SATL1: variants seen among roughly 807,000 people sequenced by gnomAD.
SATL1 encodes spermidine/spermine N1-acetyl transferase like 1, also known as spermidine/spermine N(1)-acetyltransferase-like protein 1.
Under a neutral mutation model 51.8 loss-of-function variants are expected in SATL1, and 47 were observed. The observed-to-expected ratio is 0.91, with a 90% confidence interval of 0.72 to 1.16. The LOEUF (loss-of-function observed/expected upper bound fraction) is 1.16, where lower values mean the gene tolerates loss of function less well. Ranked by LOEUF, SATL1 falls within the 50% of genes most tolerant of loss-of-function variation. The pLI is 0.00. For synonymous variants in SATL1, 176 were observed against 182.4 expected (o/e 0.97, Z 0.28); for missense variants, 520 against 526.4 (o/e 0.99, Z 0.12).
chrX:85,098,758 G>A, intron 4 of SATL1, among the ~76,000 whole-genome samples: 1 of 111,334 alleles, frequency 9.0e-6, no homozygotes, highest in East Asian at 2.8e-4. Context: ...TTAGAGATAT[G>A]AACGAAAATG....
intron 2 of SATL1, among the ~76,000 whole-genome samples, chrX:85,194,239 G>A (rs1224540927): frequency 8.9e-6 from 1 of 111,935 alleles, no homozygotes; most frequent in East Asian, 2.8e-4. Flanking sequence ...ACAGTGGCAG[G>A]TGGTAGGCAG....
intron 2 of SATL1, among the ~76,000 whole-genome samples, chrX:85,200,873 AATGTTAC>A (rs1927672772): frequency 9.0e-6 from 1 of 110,713 alleles, no homozygotes; most frequent in African/African-American, 3.3e-5. Context: ...TTATTGAAAA[AATGTTAC>A]ATAAAATCAG....
rs112264264 is a variant in SATL1 at position 85,115,754 on chromosome X, C to T, written c.-312-6474G>A. On this transcript the variant is annotated intron_variant, in intron 2 of 7. Coordinates refer to ENST00000644105, the MANE Select transcript of SATL1 (RefSeq NM_001367857.2). ...GCAGCGTGGGTTCTTTGGAAAGAGC[C>T]GATTTTAGTTGAACAAGCTGAAGAA... is the stretch of plus-strand genomic sequence containing the variant. Among the ~76,000 whole-genome samples, 5 of 111,618 alleles carry T rather than the reference C, an allele frequency of 4.5e-5. No individual in the cohort carries two copies. The East Asian group carries it at 8.5e-4, about 19-fold the overall frequency.
At chrX:85,197,779 A>G (rs1927604306) in intron 2 of SATL1, among the ~76,000 whole-genome samples, 1 of 109,142 alleles carries the variant, frequency 9.2e-6, no homozygotes. Flanking sequence ...TAGTTTACTG[A>G]GAATGATGAT....
intron 2 of SATL1, among the ~76,000 whole-genome samples, chrX:85,170,299 AAGTAACAAAAATATTT>A (rs1160748759): frequency 2.7e-5 from 3 of 111,712 alleles, no homozygotes; most frequent in African/African-American, 9.7e-5. Context: ...ACTATAAGAA[AAGTAACAAAAATATTT>A]AGTTGTCCAG....
intron 2 of SATL1, among the ~76,000 whole-genome samples, chrX:85,198,034 G>A (rs1314719982): frequency 9.0e-6 from 1 of 110,909 alleles, no homozygotes; most frequent in East Asian, 2.8e-4. Context: ...ATTACCATGA[G>A]TTCAAGTGTT....
chrX:85,152,410 G>A (rs1272190036), intron 2 of SATL1, among the ~76,000 whole-genome samples: 9 of 111,710 alleles, frequency 8.1e-5, no homozygotes, highest in Non-Finnish European at 3.8e-5. Flanking sequence ...TCAGTGTGGC[G>A]ATTCCTCAGG....
intron 1 of SATL1, among the ~76,000 whole-genome samples, chrX:85,228,429 T>C (rs968185433): frequency 2.7e-5 from 3 of 111,832 alleles, no homozygotes; most frequent in African/African-American, 9.7e-5. Flanking sequence ...AAATGTCTAT[T>C]GATGTCCCTG....
intron 2 of SATL1, among the ~76,000 whole-genome samples, chrX:85,122,458 T>C (rs1026835883): frequency 3.6e-5 from 4 of 111,278 alleles, no homozygotes; most frequent in African/African-American, 9.8e-5. Context: ...TCACATTCTG[T>C]CATACTACTT....
chrX:85,149,732 T>A (rs1168030696), intron 2 of SATL1, among the ~76,000 whole-genome samples: 1 of 109,447 alleles, frequency 9.1e-6, no homozygotes, highest in Admixed American at 9.6e-5. Flanking sequence ...CACAACGAAA[T>A]GAAGGCAGAA....
At chrX:85,233,979 G>T (rs989280812) in intron 1 of SATL1, among the ~76,000 whole-genome samples, 4 of 110,952 alleles carry the variant, frequency 3.6e-5, no homozygotes, top group African/African-American at 1.3e-4. Context: ...ACCTAAATGA[G>T]ACTACCTTAA....
At chrX:85,151,000 C>A in intron 2 of SATL1, among the ~76,000 whole-genome samples, 2 of 110,788 alleles carry the variant, frequency 1.8e-5, no homozygotes, top group Non-Finnish European at 3.8e-5. Context: ...AAAGGGCATT[C>A]AATTAGGAAA....
intron 2 of SATL1, among the ~76,000 whole-genome samples, chrX:85,153,529 C>T (rs757460848): frequency 9.8e-5 from 11 of 111,899 alleles, no homozygotes; most frequent in Non-Finnish European, 2.1e-4. Context: ...CAGCCTTCTG[C>T]ATGCTGACTC....
chrX:85,152,210 A>G (rs1255081078), intron 2 of SATL1, among the ~76,000 whole-genome samples: 2 of 112,128 alleles, frequency 1.8e-5, no homozygotes, highest in Non-Finnish European at 3.8e-5. Context: ...AAAGACACAT[A>G]AAAAAATGCT....
intron 2 of SATL1, among the ~76,000 whole-genome samples, chrX:85,144,600 G>A (rs894181620): frequency 1.2e-4 from 13 of 112,121 alleles, no homozygotes; most frequent in Admixed American, 2.8e-4. Context: ...GACTTGACTC[G>A]TAAGAAAGGT....
intron 2 of SATL1, among the ~76,000 whole-genome samples, chrX:85,197,301 T>G (rs1927586769): frequency 1.8e-5 from 2 of 111,350 alleles, no homozygotes; most frequent in Non-Finnish European, 3.8e-5. Context: ...ATGCATGCAA[T>G]GCATAATAAT....
At chrX:85,113,253 G>C (rs12008519) in intron 2 of SATL1, among the ~76,000 whole-genome samples, 2 of 109,873 alleles carry the variant, frequency 1.8e-5, no homozygotes, top group Middle Eastern at 4.7e-3. Flanking sequence ...GCGTGATGGC[G>C]TGAAGGCAAG....
chrX:85,118,318 C>T (rs1214830484), intron 2 of SATL1: 1 of 109,533 alleles, frequency 9.1e-6, no homozygotes, highest in Non-Finnish European at 1.9e-5. Context: ...TTCCCCAATA[C>T]TTTAGTTAAA....
intron 2 of SATL1, among the ~76,000 whole-genome samples, chrX:85,172,730 A>C (rs1301163002): frequency 1.0e-4 from 11 of 108,269 alleles, no homozygotes; most frequent in Non-Finnish European, 1.6e-4. Flanking sequence ...ACTACTGTTA[A>C]TATATTGCCT....
Sources: gnomAD v4.1 joint callset for allele counts (sites outside exome capture counted in the v4.1 genomes callset) on GRCh38, gnomAD v4.1.1 for gene constraint, MANE v1.5 for transcripts, NCBI Gene and HGNC (gene_info 2026-07-23, HGNC 2026-07-21) for gene names.